LRRC4C: variants seen among roughly 807,000 people sequenced by gnomAD.
The protein encoded by LRRC4C is leucine-rich repeat-containing protein 4C.
In LRRC4C, 5 loss-of-function variants were observed where a neutral mutation model predicts 33.6. The ratio of observed to expected loss-of-function variants is 0.15; its 90% CI spans 0.08 to 0.31. The LOEUF is 0.31. LRRC4C is among the 10% of genes least tolerant of loss of function. The pLI is 1.00. For synonymous variants in LRRC4C, 329 were observed against 302.0 expected, an observed-to-expected ratio of 1.09 and a Z score of -0.93; for missense variants, 560 against 796.7, an observed-to-expected ratio of 0.70 and a Z score of 3.58.
intron 4 of LRRC4C, among the ~76,000 whole-genome samples, chr11:40,265,093 G>A (rs1043708449): frequency 5.3e-5 from 8 of 151,976 alleles, no homozygotes; most frequent in Non-Finnish European, 1.0e-4. Context: ...CCTCACCCCC[G>A]CTCCCACTTT....
At position 40,685,483 on chromosome 11, in the gene LRRC4C, G is replaced by T. The variant is rs190439956; in HGVS notation, c.-406-37205C>A. ...GGTGGGCAAGCTGAATAGATCTAAAGAGAATATTTATAGAAAATTTAAGAA... is the reference window on the plus strand; with the variant it reads ...GGTGGGCAAGCTGAATAGATCTAAATAGAATATTTATAGAAAATTTAAGAA... On this transcript the variant is annotated intron_variant, in intron 2 of 6. Coordinates refer to ENST00000528697, the MANE Select transcript of LRRC4C (RefSeq NM_001258419.2). Among the ~76,000 whole-genome samples, 6 of 152,016 alleles carry T rather than the reference G, an allele frequency of 3.9e-5. No individual in the cohort carries two copies. In the East Asian group the frequency reaches 1.2e-3, roughly 29 times the overall value.
intron 3 of LRRC4C, among the ~76,000 whole-genome samples, chr11:40,350,427 G>T (rs1947330999): frequency 6.6e-6 from 1 of 151,856 alleles, no homozygotes; most frequent in Non-Finnish European, 1.5e-5. Context: ...AAAATCGAAT[G>T]GAAATTCTAG....
chr11:40,500,287 TATATATAC>T (rs1474204887), intron 3 of LRRC4C, among the ~76,000 whole-genome samples: 15 of 71,058 alleles, frequency 2.1e-4, no homozygotes, highest in African/African-American at 3.9e-4. Context: ...TATATATATA[TATATATAC>T]ACACACACAC....
chr11:41,245,921 T>C (rs886995287), intron 1 of LRRC4C, among the ~76,000 whole-genome samples: 3 of 152,108 alleles, frequency 2.0e-5, no homozygotes, highest in African/African-American at 7.2e-5. Context: ...CAGGGATTTT[T>C]ATAGGCTTCA....
At chr11:40,904,246 T>G (rs2136212512) in intron 2 of LRRC4C, among the ~76,000 whole-genome samples, 1 of 152,280 alleles carries the variant, frequency 6.6e-6, no homozygotes, top group East Asian at 1.9e-4. Context: ...TTCCAGGCAA[T>G]TAATTCAGAC....
At chr11:41,374,264 A>G (rs1432203935) in intron 1 of LRRC4C, among the ~76,000 whole-genome samples, 3 of 152,178 alleles carry the variant, frequency 2.0e-5, no homozygotes, top group African/African-American at 7.2e-5. Context: ...CAGTATCACC[A>G]AGTACACTGA....
Position 40,784,808 on chromosome 11 carries a change from T to C in LRRC4C, c.-406-136530A>G, listed in dbSNP as rs140138886. Among the ~76,000 whole-genome samples, 611 of 152,188 alleles carry C rather than the reference T, an allele frequency of 4.0e-3. 1 individual carries two copies. Among genetic ancestry groups the C allele is most frequent in the African/African-American group, 0.014 (586 of 41,518 alleles). Reference sequence around the variant, plus strand: ...TTAGTCTAGAAAGGGTATGAAATAGTGTATAGTTTTTAAGGTGCATACAAC... The same window carrying C: ...TTAGTCTAGAAAGGGTATGAAATAGCGTATAGTTTTTAAGGTGCATACAAC... On this transcript the variant is annotated intron_variant, in intron 2 of 6. Coordinates refer to ENST00000528697, the MANE Select transcript of LRRC4C (RefSeq NM_001258419.2).
intron 1 of LRRC4C, among the ~76,000 whole-genome samples, chr11:41,049,463 A>G (rs539232560): frequency 6.6e-6 from 1 of 152,310 alleles, no homozygotes; most frequent in African/African-American, 2.4e-5. Flanking sequence ...AGTTGTGAGA[A>G]ACCCAGAGTA....
In LRRC4C at chr11:40,126,968, A is replaced by AT. The variant is rs200423042; in HGVS notation, c.-42-10635_-42-10634insA. On this transcript the variant is annotated intron_variant, in intron 6 of 6. Transcript: ENST00000528697. The stretch of plus-strand genomic sequence containing the variant: ...GAGCGAAACTTTGTCTCAAAAAAAA[A>AT]AAATAAATAAAAAGAAGAAGAGAAT... Among the ~76,000 whole-genome samples the AT allele has an allele frequency of 2.6e-3, 392 of 152,004 alleles. 1 individual carries two copies. The highest frequency in any genetic ancestry group is 8.7e-3 in the African/African-American group (360 of 41,456).
At chr11:40,768,569 C>A (rs1010734810) in intron 2 of LRRC4C, among the ~76,000 whole-genome samples, 6 of 152,066 alleles carry the variant, frequency 3.9e-5, no homozygotes, top group African/African-American at 1.4e-4. Flanking sequence ...CCTTTGTGAA[C>A]ACTGATGCAA....
At chr11:41,218,070 C>T (rs1947138592) in intron 1 of LRRC4C, among the ~76,000 whole-genome samples, 1 of 151,466 alleles carries the variant, frequency 6.6e-6, no homozygotes, top group African/African-American at 2.4e-5. Context: ...ACACATACGG[C>T]ATGTGGTATT....
chr11:41,183,573 C>G (rs1397741764), intron 1 of LRRC4C, among the ~76,000 whole-genome samples: 1 of 152,146 alleles, frequency 6.6e-6, no homozygotes, highest in East Asian at 1.9e-4. Context: ...TGGGAAGCTC[C>G]AACCCTGTGT....
At chr11:40,487,467 A>G (rs1206131725) in intron 3 of LRRC4C, among the ~76,000 whole-genome samples, 1 of 152,088 alleles carries the variant, frequency 6.6e-6, no homozygotes, top group African/African-American at 2.4e-5. Context: ...AATGTGATTG[A>G]ATCAATACTT....
chr11:41,057,461 G>A lies in LRRC4C; in HGVS notation c.-495-123738C>T, dbSNP rs577631226. Among the ~76,000 whole-genome samples the A allele has an allele frequency of 9.2e-5, 14 of 152,344 alleles. 1 individual carries two copies. In the South Asian group the frequency reaches 2.9e-3, roughly 32 times the overall value. On this transcript the variant is annotated intron_variant, in intron 1 of 6. Transcript: ENST00000528697. ...GCAGACAGGTTCCTGGGTGGAAGGG[G>A]GCGGGCCCCCTAAGGCCCCATCTTC... is the stretch of plus-strand genomic sequence containing the variant.
chr11:40,985,884 C>T (rs1852953538), intron 1 of LRRC4C, among the ~76,000 whole-genome samples: 1 of 152,058 alleles, frequency 6.6e-6, no homozygotes, highest in Non-Finnish European at 1.5e-5. Flanking sequence ...GAAAACTGTG[C>T]TGTTGTTAAG....
intron 1 of LRRC4C, among the ~76,000 whole-genome samples, chr11:41,343,353 G>T (rs1273855376): frequency 6.6e-6 from 1 of 150,560 alleles, no homozygotes; most frequent in African/African-American, 2.4e-5. Context: ...GAAGAGCAAG[G>T]GATGATTAAA....
At chr11:40,969,568 T>G (rs1851584171) in intron 1 of LRRC4C, among the ~76,000 whole-genome samples, 1 of 151,888 alleles carries the variant, frequency 6.6e-6, no homozygotes, top group South Asian at 2.1e-4. Context: ...CCTTCAGCAC[T>G]CACCACCCTG....
At chr11:40,259,040 T>C (rs2136237848) in intron 4 of LRRC4C, among the ~76,000 whole-genome samples, 1 of 152,324 alleles carries the variant, frequency 6.6e-6, no homozygotes, top group South Asian at 2.1e-4. Flanking sequence ...ATCTAATTGT[T>C]ATCCCTATTT....
chr11:40,302,043 T>C (rs1250635876), intron 4 of LRRC4C, among the ~76,000 whole-genome samples: 2 of 152,210 alleles, frequency 1.3e-5, no homozygotes, highest in African/African-American at 4.8e-5. Context: ...AATCCTTTGA[T>C]TCACTATACA....
Sources: allele counts gnomAD v4.1 joint callset (sites outside exome capture counted in the v4.1 genomes callset), GRCh38; gene constraint gnomAD v4.1.1; transcripts MANE v1.5; gene names NCBI Gene and HGNC (gene_info 2026-07-23, HGNC 2026-07-21).